KRT25: variants seen among roughly 807,000 people sequenced by gnomAD.
KRT25 encodes keratin 25, also known as keratin, type I cytoskeletal 25.
In KRT25, 37 loss-of-function variants were observed where a neutral mutation model predicts 47.6. The observed-to-expected ratio is 0.78, with a 90% CI of 0.60 to 1.02. The LOEUF is 1.02. Among genes scored for constraint, KRT25 ranks in the 50% least tolerant of loss-of-function variants. The pLI, the probability that KRT25 is intolerant of heterozygous loss-of-function variation, is 0.00. For missense variants in KRT25, 542 were observed against 550.3 expected, an observed-to-expected ratio of 0.98 and a Z score of 0.15; for synonymous variants, 203 against 210.2, an observed-to-expected ratio of 0.97 and a Z score of 0.30.
At chr17:40,749,235 A>G (rs1440087566) in intron 7 of KRT25, 23 bp downstream of exon 7, 1 of 1,580,922 alleles carries the variant, frequency 6.3e-7, no homozygotes, top group East Asian at 2.2e-5. Context: ...TTAGCATTGC[A>G]CAACAGATTT....
rs544383488 is a variant in KRT25 at position 40,751,541 on chromosome 17, A to G, written c.670-215T>C. 1.4e-3 allele frequency among the ~76,000 whole-genome samples: 215 copies of G among 152,308 alleles called. 1 individual carries two copies. Among genetic ancestry groups the G allele is most frequent in the African/African-American group, 5.0e-3 (209 of 41,568 alleles). On this transcript the variant is annotated intron_variant, in intron 3 of 7. Transcript: ENST00000312150. ...ATGAAGTAGCCTGTTTCATTCTGGG[A>G]GAGTTTTAATTGTTCCAGAGTTCTT...
At chr17:40,753,287 A>G (rs527508166) in intron 3 of KRT25, among the ~76,000 whole-genome samples, 1 of 152,142 alleles carries the variant, frequency 6.6e-6, no homozygotes, top group East Asian at 1.9e-4. Context: ...TTACACAGCC[A>G]AACACTGCTC....
chr17:40,748,271 C>T lies in KRT25; in HGVS notation c.*6G>A. On this transcript the variant is annotated 3_prime_UTR_variant, in exon 8 of 8. Transcript: ENST00000312150. ...ATGTGGCATACGTTCTCTGTTGCAT[C>T]TCAAATTAATTGCTTTGAGATTTCT... 6.3e-7 allele frequency: 1 copy of T among 1,595,282 alleles called. No individual in the cohort carries two copies. The highest frequency in any genetic ancestry group is 1.7e-4 in the Middle Eastern group (1 of 6,014).
Position 40,754,014 on chromosome 17 carries a change from T to C in KRT25, c.515A>G (p.Tyr172Cys), listed in dbSNP as rs1173189000. 1.2e-6 allele frequency: 2 copies of C among 1,613,998 alleles called. No homozygotes were observed. The highest frequency in any genetic ancestry group is 2.2e-5 in the East Asian group (1 of 44,868). Residue 172 changes from tyrosine (Y) to cysteine (C), a missense_variant and splice_region_variant, in exon 3 of 8, where the codon TAT becomes TGT. By Grantham distance (194) the Tyr-to-Cys change is radical. Transcript: ENST00000312150. ...CTGGTGAAGAGCCAGCTCATTTTCA[T>C]ACCTTAAAGAGTGTTAATGATTTCC... ...RLTADDFRLK[Y>C]ENELALHQSV...
rs1275816637 is a variant in KRT25, at chr17:40,750,593, T to C, written c.962A>G (p.His321Arg). The C allele has an allele frequency of 1.2e-6, 2 of 1,613,872 alleles. No individual in the cohort carries two copies. The highest frequency in any genetic ancestry group is 4.5e-5 in the East Asian group (2 of 44,864). Residue 321 changes from histidine to arginine, a missense_variant, in exon 6 of 8, where the codon CAC becomes CGC. By Grantham distance (29) the His-to-Arg change is conservative. Coordinates refer to ENST00000312150, the MANE Select transcript of KRT25 (RefSeq NM_181534.4). ...CTCTGTCAAGGAGCACTCCAGGGAG[T>C]GTTTCTGTCAGGAAGCAATAAAGAG... ...IELQSLLATK[H>R]SLECSLTETE...
intron 5 of KRT25, 102 bp downstream of exon 5, chr17:40,750,852 T>C (rs1446204031): frequency 7.1e-7 from 1 of 1,418,140 alleles, no homozygotes; most frequent in African/African-American, 1.4e-5. Context: ...GAGACAATTA[T>C]AAACAAATAT....
chr17:40,752,424 C>G (rs1024690139), intron 3 of KRT25, among the ~76,000 whole-genome samples: 2 of 152,102 alleles, frequency 1.3e-5, no homozygotes, highest in Non-Finnish European at 2.9e-5. Context: ...ATGAATTGGT[C>G]TTAATGATGG....
intron 5 of KRT25, 125 bp from the exon 6 acceptor site, chr17:40,750,722 G>T: frequency 7.1e-7 from 1 of 1,409,330 alleles, no homozygotes. Flanking sequence ...TGGACACATA[G>T]TTAAGACTCT....
Position 40,748,220 on chromosome 17 carries a change from C to A in KRT25, c.*57G>T. 1 of 1,137,460 alleles carries A rather than the reference C, an allele frequency of 8.8e-7. No homozygotes were observed. The highest frequency in any genetic ancestry group is 2.1e-5 in the Admixed American group (1 of 46,862). 70.5% of individuals were successfully genotyped at this position (1,137,460 alleles called of 1,614,324 possible). On this transcript the variant is annotated 3_prime_UTR_variant, in exon 8 of 8. Coordinates refer to ENST00000312150, the MANE Select transcript of KRT25 (RefSeq NM_181534.4). The stretch of plus-strand genomic sequence containing the variant: ...ACATGCACATTTTTCTGGACAGATA[C>A]ATAATGCCTTTTCTTCGCAGGGGCT...
At chr17:40,752,762 T>C (rs1182645228) in intron 3 of KRT25, among the ~76,000 whole-genome samples, 1 of 152,222 alleles carries the variant, frequency 6.6e-6, no homozygotes. Context: ...ATCAATGTTA[T>C]TCAAGTAGTT....
At chr17:40,754,315 G>C in intron 2 of KRT25, 71 bp downstream of exon 2, 2 of 1,230,982 alleles carry the variant, frequency 1.6e-6, no homozygotes. Flanking sequence ...TTTGGAATAA[G>C]AGTTGCTAAA....
intron 6 of KRT25, among the ~76,000 whole-genome samples, 170 bp from the exon 7 acceptor site, chr17:40,749,495 CA>C (rs1272840634): frequency 6.6e-6 from 1 of 152,164 alleles, no homozygotes; most frequent in African/African-American, 2.4e-5. Context: ...TTGCTGATAT[CA>C]AGTCACCAAG....
chr17:40,751,348 G>T, intron 3 of KRT25, 22 bp from the exon 4 acceptor site: 1 of 1,589,944 alleles, frequency 6.3e-7, no homozygotes, highest in Non-Finnish European at 8.5e-7. Flanking sequence ...AAAGTGTTCT[G>T]CTCAGCTCTG....
rs764542161 is a variant in KRT25 at position 40,750,406 on chromosome 17, G to C, written c.1149C>G (p.Tyr383Ter). The change falls in exon 6 of 8, where the codon TAC becomes TAG. Residue 383 changes from tyrosine to a stop codon, truncating the protein, a stop_gained. Transcript: ENST00000312150. LOFTEE classifies it high-confidence loss of function. ...KLHLEKEIET[Y>*]CLLIGGDDGA... ...CATCATCTCCTCCTATAAGGAGACAGTAGGTCTCAATTTCTTTTTCCAGGT... is the reference window on the plus strand; with the variant it reads ...CATCATCTCCTCCTATAAGGAGACACTAGGTCTCAATTTCTTTTTCCAGGT... 2 of 1,613,788 alleles carry C rather than the reference G, an allele frequency of 1.2e-6. No individual in the cohort carries two copies. Among genetic ancestry groups the C allele is most frequent in the Non-Finnish European group, 1.7e-6 (2 of 1,179,832 alleles).
At chr17:40,750,643 G>T (rs2038037814) in intron 5 of KRT25, 46 bp from the exon 6 acceptor site, 1 of 1,605,464 alleles carries the variant, frequency 6.2e-7, no homozygotes, top group South Asian at 1.1e-5. Context: ...ATGCAGATAT[G>T]CAGGGATTTC....
chr17:40,750,828 T>C, intron 5 of KRT25, 126 bp downstream of exon 5: 1 of 1,323,182 alleles, frequency 7.6e-7, no homozygotes. Context: ...AATCCTATTC[T>C]TTCCTTATGT....
intron 4 of KRT25, 21 bp downstream of exon 4, chr17:40,751,144 C>A (rs1452719486): frequency 1.2e-6 from 2 of 1,613,974 alleles, no homozygotes; most frequent in Non-Finnish European, 1.7e-6. Flanking sequence ...GCAAAGGGAC[C>A]GTTTTCTGGA....
intron 6 of KRT25, among the ~76,000 whole-genome samples, 190 bp from the exon 7 acceptor site, chr17:40,749,515 C>G (rs1399810626): frequency 6.6e-6 from 1 of 152,154 alleles, no homozygotes; most frequent in Non-Finnish European, 1.5e-5. Flanking sequence ...AGTGACATCA[C>G]TAAGTGAGGG....
At chr17:40,753,812 G>A in intron 3 of KRT25, 48 bp downstream of exon 3, 1 of 1,519,016 alleles carries the variant, frequency 6.6e-7, no homozygotes, top group Non-Finnish European at 9.0e-7. Flanking sequence ...CCTGTCAGGT[G>A]CACAGTGTCT....
Sources: gnomAD v4.1 joint callset for allele counts (sites outside exome capture counted in the v4.1 genomes callset) on GRCh38, gnomAD v4.1.1 for gene constraint, MANE v1.5 for transcripts, NCBI Gene and HGNC (gene_info 2026-07-23, HGNC 2026-07-21) for gene names.